The following FAF1 variants were observed in gnomAD, a reference collection of about 807,000 sequenced individuals.
The protein encoded by FAF1 is Fas associated factor 1.
FAF1 carries 25 observed loss-of-function variants against 92.5 expected under a neutral mutation model. That is an observed-to-expected ratio of 0.27 (90% confidence interval 0.20 to 0.38). The LOEUF is 0.38. FAF1 is among the 10% of genes least tolerant of loss of function. The pLI, the probability that FAF1 is intolerant of heterozygous loss-of-function variation, is 1.00. For synonymous variants in FAF1, 234 were observed against 273.2 expected, an observed-to-expected ratio of 0.86 and a Z score of 1.42; for missense variants, 636 against 793.3, an observed-to-expected ratio of 0.80 and a Z score of 2.38.
At chr1:50,487,477 T>C (rs903932873) in intron 17 of FAF1, among the ~76,000 whole-genome samples, 1 of 152,220 alleles carries the variant, frequency 6.6e-6, no homozygotes, top group Non-Finnish European at 1.5e-5. Flanking sequence ...CATGTATTCA[T>C]GTAAGTTTCT....
chr1:50,691,427 G>C (rs572640160), intron 7 of FAF1, among the ~76,000 whole-genome samples: 5 of 151,900 alleles, frequency 3.3e-5, no homozygotes, highest in African/African-American at 4.8e-5. Flanking sequence ...GTTATTAGTA[G>C]AGATGGGTTT....
intron 18 of FAF1, among the ~76,000 whole-genome samples, chr1:50,457,714 C>G (rs1646370804): frequency 9.3e-6 from 1 of 107,380 alleles, no homozygotes; most frequent in Non-Finnish European, 1.9e-5. Context: ...TCGGTGAAAC[C>G]CCATCTCTGC....
intron 7 of FAF1, among the ~76,000 whole-genome samples, chr1:50,676,374 T>G (rs1425855205): frequency 6.8e-6 from 1 of 147,162 alleles, no homozygotes; most frequent in Non-Finnish European, 1.5e-5. Context: ...GCCATTGCAC[T>G]CCAGCCTGGG....
intron 13 of FAF1, among the ~76,000 whole-genome samples, chr1:50,566,785 C>T (rs986923013): frequency 2.6e-5 from 4 of 151,998 alleles, no homozygotes; most frequent in African/African-American, 9.7e-5. Context: ...CATCAGGTTT[C>T]TCTAAAAGTT....
At chr1:50,895,484 CA>C (rs1349881772) in intron 1 of FAF1, among the ~76,000 whole-genome samples, 1 of 151,828 alleles carries the variant, frequency 6.6e-6, no homozygotes, top group African/African-American at 2.4e-5. Flanking sequence ...CGAACTATTA[CA>C]AAAAACAGAG....
At chr1:50,553,866 T>C (rs1358906044) in intron 13 of FAF1, among the ~76,000 whole-genome samples, 1 of 151,890 alleles carries the variant, frequency 6.6e-6, no homozygotes, top group African/African-American at 2.4e-5. Flanking sequence ...AGAAGAAGCA[T>C]TGTAGTAAAG....
intron 1 of FAF1, among the ~76,000 whole-genome samples, chr1:50,906,651 G>T (rs1644841279): frequency 6.6e-6 from 1 of 152,104 alleles, no homozygotes; most frequent in Admixed American, 6.6e-5. Flanking sequence ...ATTGTGAATG[G>T]GAGTTCACTC....
At chr1:50,907,727 C>A (rs557783521) in intron 1 of FAF1, among the ~76,000 whole-genome samples, 6 of 151,926 alleles carry the variant, frequency 3.9e-5, no homozygotes, top group African/African-American at 7.2e-5. Context: ...GTGGTGATAT[C>A]CCCTTTATCA....
chr1:50,552,297 CAAA>C (rs766349774), intron 13 of FAF1, among the ~76,000 whole-genome samples: 1 of 84,962 alleles, frequency 1.2e-5, no homozygotes. Context: ...ACTCTGTTTC[CAAA>C]AAAAAAAAAA....
intron 1 of FAF1, among the ~76,000 whole-genome samples, chr1:50,859,655 T>C (rs1382872466): frequency 6.6e-6 from 1 of 151,962 alleles, no homozygotes; most frequent in African/African-American, 2.4e-5. Context: ...GAAGAATCAA[T>C]ATCATTAAAA....
At chr1:50,762,090 T>C (rs1225801034) in intron 4 of FAF1, among the ~76,000 whole-genome samples, 2 of 152,260 alleles carry the variant, frequency 1.3e-5, no homozygotes, top group South Asian at 2.1e-4. Context: ...CCATTCACAA[T>C]TGCTTCAAAG....
intron 4 of FAF1, among the ~76,000 whole-genome samples, chr1:50,763,731 A>G (rs1161828383): frequency 1.3e-5 from 2 of 152,208 alleles, no homozygotes; most frequent in Non-Finnish European, 2.9e-5. Context: ...GATATCACAT[A>G]ATGTATCGAC....
At chr1:50,772,003 C>CA (rs1660791004) in intron 4 of FAF1, among the ~76,000 whole-genome samples, 1 of 152,046 alleles carries the variant, frequency 6.6e-6, no homozygotes, top group South Asian at 2.1e-4. Flanking sequence ...TGGGAAAAAG[C>CA]AGAGATTATG....
chr1:50,810,211 C>A (rs940338645), intron 2 of FAF1, among the ~76,000 whole-genome samples: 2 of 152,012 alleles, frequency 1.3e-5, no homozygotes, highest in Admixed American at 1.3e-4. Flanking sequence ...ACCAAGATTG[C>A]ACCATTGCAC....
chr1:50,764,441 T>C (rs1660486915), intron 4 of FAF1, among the ~76,000 whole-genome samples: 2 of 152,210 alleles, frequency 1.3e-5, no homozygotes, highest in Non-Finnish European at 2.9e-5. Flanking sequence ...GTAGCAATCT[T>C]TCTCTTAGTA....
chr1:50,832,997 C>T (rs1322057176), intron 2 of FAF1, among the ~76,000 whole-genome samples: 1 of 152,062 alleles, frequency 6.6e-6, no homozygotes, highest in Non-Finnish European at 1.5e-5. Context: ...GACAATCACT[C>T]TACCATGCTG....
intron 1 of FAF1, among the ~76,000 whole-genome samples, chr1:50,950,015 T>C (rs1645202093): frequency 6.6e-6 from 1 of 152,154 alleles, no homozygotes; most frequent in South Asian, 2.1e-4. Context: ...AAAATTTATT[T>C]TTTTTTGTAG....
chr1:50,874,004 AACTGTAGAAATGATGCAGGGTATGTGAG>A (rs1364134130), intron 1 of FAF1, among the ~76,000 whole-genome samples: 1 of 152,184 alleles, frequency 6.6e-6, no homozygotes. Flanking sequence ...TGCTGAAAGC[AACTGTAGAAATGATGCAGGGTATGTGAG>A]ACCCAAAATT....
chr1:50,526,388 G>A (rs1202304260), intron 15 of FAF1, among the ~76,000 whole-genome samples: 17 of 151,752 alleles, frequency 1.1e-4, no homozygotes, highest in Non-Finnish European at 2.4e-4. Context: ...TTGAGCCCAG[G>A]AGTTCAAGAC....
Sources: allele counts gnomAD v4.1 joint callset (sites outside exome capture counted in the v4.1 genomes callset), GRCh38; gene constraint gnomAD v4.1.1; transcripts MANE v1.5; gene names NCBI Gene and HGNC (gene_info 2026-07-23, HGNC 2026-07-21).